Variants in NFATC2IP observed in about 807,000 individuals in gnomAD.
The protein encoded by NFATC2IP is NFATC2-interacting protein.
NFATC2IP carries 25 observed loss-of-function variants against 40.2 expected under a neutral mutation model. The ratio of observed to expected loss-of-function variants is 0.62; its 90% confidence interval spans 0.45 to 0.87. The LOEUF (loss-of-function observed/expected upper bound fraction) is 0.87, where lower values mean the gene tolerates loss of function less well. Among genes scored for constraint, NFATC2IP ranks in the 40% least tolerant of loss-of-function variants. NFATC2IP has a pLI of 0.00. For synonymous variants in NFATC2IP, 241 were observed against 236.3 expected (o/e 1.02, Z -0.18); for missense variants, 553 against 555.6 (o/e 1.00, Z 0.05).
At chr16:28,953,003 T>C (rs1964984197) in intron 2 of NFATC2IP, among the ~76,000 whole-genome samples, 1 of 152,134 alleles carries the variant, frequency 6.6e-6, no homozygotes, top group Admixed American at 6.5e-5. Context: ...CCCAAATTGC[T>C]GGGATTACAG....
intron 7 of NFATC2IP, among the ~76,000 whole-genome samples, chr16:28,961,851 G>A (rs145296724): frequency 7.8e-6 from 1 of 128,008 alleles, no homozygotes; most frequent in Admixed American, 9.5e-5. Context: ...AGTGAGCCAA[G>A]ATCAAGCCAC....
In NFATC2IP at chr16:28,965,724, T is replaced by G. The variant is rs1457329269; in HGVS notation, c.*1861T>G. The G allele has an allele frequency of 2.6e-5, 4 of 151,918 alleles. No homozygotes were observed. The highest frequency in any genetic ancestry group is 5.9e-5 in the Non-Finnish European group (4 of 68,002). 9.4% of individuals were successfully genotyped at this position (151,918 alleles called of 1,614,324 possible). ...GATTTAAAGGGGAAAAAATTGAAAT[T>G]TTCTTTGTATCTAGGGGTATCCGTC... On this transcript the variant is annotated 3_prime_UTR_variant, in exon 8 of 8. Coordinates refer to ENST00000320805, the MANE Select transcript of NFATC2IP (RefSeq NM_032815.4).
chr16:28,955,934 GTC>G lies in NFATC2IP; in HGVS notation c.579-37_579-36del, dbSNP rs1965016003. 2.8e-6 allele frequency: 4 copies of G among 1,444,028 alleles called. No homozygotes were observed. In the Admixed American group the frequency reaches 5.0e-5, roughly 18 times the overall value. 89.5% of individuals were successfully genotyped at this position (1,444,028 alleles called of 1,614,324 possible). ...CTGATTTCTAGGATTTGTGGGGCCA[GTC>G]TCTCTCCATTGCCTCCGTCCTGCTG... On this transcript the variant is annotated intron_variant, in intron 3 of 7. Coordinates refer to ENST00000320805, the MANE Select transcript of NFATC2IP (RefSeq NM_032815.4).
intron 7 of NFATC2IP, among the ~76,000 whole-genome samples, chr16:28,960,111 G>C (rs934226910): frequency 3.9e-5 from 6 of 152,082 alleles, no homozygotes; most frequent in Non-Finnish European, 8.8e-5. Context: ...TGATCACACG[G>C]TGTTCTCCAT....
intron 7 of NFATC2IP, among the ~76,000 whole-genome samples, chr16:28,960,287 C>G (rs73533886): frequency 0.04 from 6,135 of 152,218 alleles, 424 homozygotes; most frequent in African/African-American, 0.14. Flanking sequence ...CACAAAGTGC[C>G]TTTTCAGGGG....
chr16:28,960,083 C>T (rs182253696), intron 7 of NFATC2IP, among the ~76,000 whole-genome samples: 1 of 152,256 alleles, frequency 6.6e-6, no homozygotes, highest in African/African-American at 2.4e-5. Flanking sequence ...AGCTGTGTCA[C>T]TCCAGTCTCT....
Position 28,964,001 on chromosome 16 carries a change from C to G in NFATC2IP, c.*138C>G. 1.3e-6 allele frequency: 1 copy of G among 787,964 alleles called. No homozygotes were observed. 48.8% of individuals were successfully genotyped at this position (787,964 alleles called of 1,614,324 possible). ...AAAATCAAGGAGTGACTTTTGTCCC[C>G]TCTCCTGTTGACCCTGGTTTAGAGC... is the stretch of plus-strand genomic sequence containing the variant. On this transcript the variant is annotated 3_prime_UTR_variant, in exon 8 of 8. Coordinates refer to ENST00000320805, the MANE Select transcript of NFATC2IP (RefSeq NM_032815.4).
chr16:28,964,554 T>C lies in NFATC2IP; in HGVS notation c.*691T>C, dbSNP rs1438637776. On this transcript the variant is annotated 3_prime_UTR_variant, in exon 8 of 8. Transcript: ENST00000320805. The stretch of plus-strand genomic sequence containing the variant: ...GCACATTCATCCCTTTGGTTTGGGA[T>C]CTCAGGAATACAGTCCCATGCAAAG... 6.6e-6 allele frequency: 1 copy of C among 152,376 alleles called. No homozygotes were observed. Among genetic ancestry groups the C allele is most frequent in the Non-Finnish European group, 1.5e-5 (1 of 68,046 alleles). 9.4% of individuals were successfully genotyped at this position (152,376 alleles called of 1,614,324 possible). A position where few individuals can be genotyped will look rare whatever the true frequency, so the allele number is the denominator to read the frequency against.
intron 4 of NFATC2IP, 21 bp downstream of exon 4, chr16:28,956,079 G>T: frequency 6.2e-7 from 1 of 1,613,878 alleles, no homozygotes; most frequent in Non-Finnish European, 8.5e-7. Context: ...CAGGGGCTCT[G>T]GCTGGGATGG....
chr16:28,954,041 G>A (rs1964993550), intron 2 of NFATC2IP, among the ~76,000 whole-genome samples: 1 of 152,096 alleles, frequency 6.6e-6, no homozygotes, highest in Admixed American at 6.6e-5. Flanking sequence ...ATTCTTTGGT[G>A]TTGGAAACTG....
chr16:28,955,934 G>A (rs753529223), intron 3 of NFATC2IP, 44 bp from the exon 4 acceptor site: 2 of 1,444,028 alleles, frequency 1.4e-6, no homozygotes, highest in Non-Finnish European at 1.9e-6. Flanking sequence ...TGTGGGGCCA[G>A]TCTCTCTCCA....
At position 28,958,324 on chromosome 16, in the gene NFATC2IP, C is replaced by A. The variant is rs114481986; in HGVS notation, c.847-393C>A. ...TGAGCTGAGATTGCGCCACTACACT[C>A]CATCCTGGTTAACAAGAGCGAAACT... On this transcript the variant is annotated intron_variant, in intron 5 of 7. Coordinates refer to ENST00000320805, the MANE Select transcript of NFATC2IP (RefSeq NM_032815.4). 871 of 157,420 alleles carry A rather than the reference C, an allele frequency of 5.5e-3. 7 individuals are homozygous for A. The highest frequency in any genetic ancestry group is 0.02 in the African/African-American group (833 of 41,274). 9.8% of individuals were successfully genotyped at this position (157,420 alleles called of 1,614,324 possible).
chr16:28,959,606 C>G (rs554995405), intron 7 of NFATC2IP, among the ~76,000 whole-genome samples: 1 of 138,968 alleles, frequency 7.2e-6, no homozygotes, highest in Non-Finnish European at 1.5e-5. Flanking sequence ...GATAGAGTCT[C>G]GCCCTGTCGC....
intron 3 of NFATC2IP, 67 bp from the exon 4 acceptor site, chr16:28,955,911 G>A (rs959327749): frequency 3.4e-5 from 43 of 1,250,352 alleles, no homozygotes; most frequent in Non-Finnish European, 4.9e-5. Flanking sequence ...CCAAGGATCT[G>A]ATTTCTAGGA....
rs1292252838 is a variant in NFATC2IP, at chr16:28,964,973, G to A, written c.*1110G>A. ...ATGTGTACCCAGGATGGGCCTATAGGTCACAGAGGTCAGTTTCTCTTTGGT... is the reference window on the plus strand; with the variant it reads ...ATGTGTACCCAGGATGGGCCTATAGATCACAGAGGTCAGTTTCTCTTTGGT... On this transcript the variant is annotated 3_prime_UTR_variant, in exon 8 of 8. Coordinates refer to ENST00000320805, the MANE Select transcript of NFATC2IP (RefSeq NM_032815.4). 2 of 152,192 alleles carry A rather than the reference G, an allele frequency of 1.3e-5. No homozygotes were observed. The highest frequency in any genetic ancestry group is 2.9e-5 in the Non-Finnish European group (2 of 68,044). The allele number at this position is 152,192 out of a possible 1,614,324, so 9.4% of individuals were successfully genotyped here.
Position 28,954,653 on chromosome 16 carries a change from TAAA to T in NFATC2IP, c.550_552del (p.Lys184del). The stretch of plus-strand genomic sequence containing the variant: ...GGAAGACAAAGCTGAGGACTAAGGA[TAAA>T]GAAGAGAAGAAAAAGACAGAGTTTC... On this transcript the variant is annotated inframe_deletion, in exon 3 of 8. Transcript: ENST00000320805. 1.2e-6 allele frequency: 2 copies of T among 1,613,288 alleles called. No individual in the cohort carries two copies. Among genetic ancestry groups the T allele is most frequent in the African/African-American group, 1.3e-5 (1 of 74,948 alleles).
chr16:28,959,768 A>G (rs1246810334), intron 7 of NFATC2IP, among the ~76,000 whole-genome samples: 1 of 151,980 alleles, frequency 6.6e-6, no homozygotes. Flanking sequence ...GGGTTTCACC[A>G]TGTTGGCCAG....
chr16:28,954,990 T>C (rs1424897120), intron 3 of NFATC2IP, among the ~76,000 whole-genome samples: 1 of 151,888 alleles, frequency 6.6e-6, no homozygotes, highest in Non-Finnish European at 1.5e-5. Context: ...TAAAACCCCG[T>C]TTTATAGCCT....
intron 7 of NFATC2IP, 36 bp downstream of exon 7, chr16:28,959,136 C>A: frequency 1.6e-6 from 2 of 1,243,540 alleles, no homozygotes; most frequent in Non-Finnish European, 2.4e-6. Flanking sequence ...GCCCCTCACC[C>A]TGTCCTCTGC....
Sources: gnomAD v4.1 joint callset for allele counts (sites outside exome capture counted in the v4.1 genomes callset) on GRCh38, gnomAD v4.1.1 for gene constraint, MANE v1.5 for transcripts, NCBI Gene and HGNC (gene_info 2026-07-23, HGNC 2026-07-21) for gene names.